The following GCSAML variants were observed in gnomAD, a reference collection of about 807,000 sequenced individuals.
The protein encoded by GCSAML is germinal center associated signaling and motility like.
In GCSAML, 9 loss-of-function variants were observed where a neutral mutation model predicts 13.0. The ratio of observed to expected loss-of-function variants is 0.69; its 90% CI spans 0.42 to 1.21. The LOEUF is 1.21. Ranked by LOEUF, GCSAML falls within the 50% of genes most tolerant of loss-of-function variation. The probability of loss-of-function intolerance (pLI) is 0.00; values close to 1 mark genes in which losing one functional copy is unlikely to be tolerated. For synonymous variants in GCSAML, 37 were observed against 52.9 expected, an observed-to-expected ratio of 0.70 and a Z score of 1.31; for missense variants, 143 against 153.4, an observed-to-expected ratio of 0.93 and a Z score of 0.36.
At chr1:247,553,114 A>G (rs1325387390) in intron 1 of GCSAML, among the ~76,000 whole-genome samples, 5 of 152,050 alleles carry the variant, frequency 3.3e-5, no homozygotes, top group Non-Finnish European at 7.4e-5. Flanking sequence ...CTTTATTCAA[A>G]TCTTCTTTAA....
chr1:247,566,197 C>G (rs1668352140), intron 4 of GCSAML, among the ~76,000 whole-genome samples: 1 of 151,988 alleles, frequency 6.6e-6, no homozygotes, highest in African/African-American at 2.4e-5. Context: ...AGATGAGTAG[C>G]AAGTTCTTAC....
intron 4 of GCSAML, among the ~76,000 whole-genome samples, chr1:247,569,832 G>T (rs180924637): frequency 6.6e-6 from 1 of 152,278 alleles, no homozygotes; most frequent in East Asian, 1.9e-4. Flanking sequence ...AATCCATCTA[G>T]TCATGGGCTT....
At chr1:247,543,410 C>G (rs1318606023) in intron 2 of GCSAML, among the ~76,000 whole-genome samples, 1 of 151,940 alleles carries the variant, frequency 6.6e-6, no homozygotes, top group Non-Finnish European at 1.5e-5. Context: ...TCTTGCTGTG[C>G]CTAATTTATG....
intron 3 of GCSAML, among the ~76,000 whole-genome samples, chr1:247,564,259 A>G (rs79133534): frequency 0.02 from 3,054 of 152,128 alleles, 98 homozygotes; most frequent in African/African-American, 0.069. Context: ...TTTGTTCTCA[A>G]GAAGTTGAAA....
chr1:247,569,453 A>G (rs747256314), intron 4 of GCSAML, among the ~76,000 whole-genome samples: 3 of 152,148 alleles, frequency 2.0e-5, no homozygotes, highest in Admixed American at 6.5e-5. Flanking sequence ...TTCTGCATCT[A>G]TTGAGATATT....
chr1:247,555,223 A>G (rs985780942), intron 1 of GCSAML, among the ~76,000 whole-genome samples: 16 of 152,130 alleles, frequency 1.1e-4, no homozygotes, highest in Admixed American at 8.5e-4. Context: ...ATCACTAATA[A>G]CCCCAAGGAC....
chr1:247,531,820 G>T (rs1005233087), intron 2 of GCSAML: 3 of 1,614,176 alleles, frequency 1.9e-6, no homozygotes, highest in Non-Finnish European at 2.5e-6. Context: ...CCCTTCTGCT[G>T]ACCTGATCTT....
chr1:247,549,125 G>A, upstream of GCSAML: 1 of 1,613,992 alleles, frequency 6.2e-7, no homozygotes, highest in Non-Finnish European at 8.5e-7. Flanking sequence ...TCCTCTTGGT[G>A]CTTTGGTCAG....
intron 2 of GCSAML, among the ~76,000 whole-genome samples, chr1:247,557,006 A>T (rs999951702): frequency 2.0e-5 from 3 of 152,128 alleles, no homozygotes; most frequent in Admixed American, 6.6e-5. Context: ...TTAAGCCACC[A>T]AACTCAGCCT....
intron 3 of GCSAML, among the ~76,000 whole-genome samples, chr1:247,564,203 A>T (rs1311520125): frequency 1.3e-5 from 2 of 152,232 alleles, no homozygotes; most frequent in East Asian, 3.9e-4. Flanking sequence ...AAGTGCTGGG[A>T]TTACAGGCGT....
rs558714975 is a variant in GCSAML at position 247,561,086 on chromosome 1, T to G, written c.90-2504T>G. ...CTCCCACCTCAGCCTCCCAAGTAGC[T>G]GAGACTACAGGTGCACACCATCATG... On this transcript the variant is annotated intron_variant, in intron 2 of 4. Transcript: ENST00000366488. Among the ~76,000 whole-genome samples, 3 of 152,280 alleles carry G rather than the reference T, an allele frequency of 2.0e-5. No individual in the cohort carries two copies. In the South Asian group the frequency reaches 6.2e-4, roughly 32 times the overall value.
At chr1:247,573,991 G>A (rs1297577153) in intron 4 of GCSAML, 152 bp from the exon 5 acceptor site, 1 of 767,138 alleles carries the variant, frequency 1.3e-6, no homozygotes, top group Non-Finnish European at 2.2e-6. Flanking sequence ...CTCTCTGCTT[G>A]TCTATTATTG....
intron 1 of GCSAML, among the ~76,000 whole-genome samples, chr1:247,508,067 C>A (rs530318091): frequency 3.5e-4 from 53 of 152,270 alleles, no homozygotes; most frequent in African/African-American, 1.2e-3. Context: ...ATTTCTGGTT[C>A]TAGATCCTTG....
At chr1:247,523,782 C>T (rs1257375917) in intron 1 of GCSAML, among the ~76,000 whole-genome samples, 1 of 151,718 alleles carries the variant, frequency 6.6e-6, no homozygotes, top group Non-Finnish European at 1.5e-5. Context: ...ACAAAATATA[C>T]TATACATCAA....
upstream of GCSAML, among the ~76,000 whole-genome samples, chr1:247,548,324 G>T (rs963778461): frequency 6.6e-6 from 1 of 152,182 alleles, no homozygotes; most frequent in African/African-American, 2.4e-5. The surrounding 1 kb of genome is among the most constrained non-coding windows in gnomAD (Gnocchi z 5.3). Flanking sequence ...CTTGTGCTTT[G>T]TGGCTCTGGT....
upstream of GCSAML, among the ~76,000 whole-genome samples, chr1:247,544,145 A>C (rs945628431): frequency 1.3e-5 from 2 of 152,212 alleles, no homozygotes; most frequent in African/African-American, 4.8e-5. Context: ...GAGGTTGTAG[A>C]GAGAGAGCTC....
chr1:247,521,978 G>A (rs1361994383), intron 1 of GCSAML, among the ~76,000 whole-genome samples: 1 of 146,890 alleles, frequency 6.8e-6, no homozygotes, highest in Admixed American at 6.7e-5. Flanking sequence ...TGTGGGGAGC[G>A]CCTCTGCCCC....
chr1:247,550,153 C>T (rs1667717380), intron 1 of GCSAML, among the ~76,000 whole-genome samples: 1 of 152,182 alleles, frequency 6.6e-6, no homozygotes, highest in African/African-American at 2.4e-5. Flanking sequence ...GGGTATGGGG[C>T]AGAGGACTCT....
intron 2 of GCSAML, among the ~76,000 whole-genome samples, chr1:247,535,420 G>A (rs972791940): frequency 6.6e-6 from 1 of 152,214 alleles, no homozygotes; most frequent in Admixed American, 6.5e-5. Context: ...CTGGGATTGG[G>A]AGAGTTAGGT....
Sources: allele counts gnomAD v4.1 joint callset (sites outside exome capture counted in the v4.1 genomes callset), GRCh38; gene constraint gnomAD v4.1.1; non-coding constraint Gnocchi (gnomAD v3.1); transcripts MANE v1.5; gene names NCBI Gene and HGNC (gene_info 2026-07-23, HGNC 2026-07-21).